HHAT: variants seen among roughly 807,000 people sequenced by gnomAD.
HHAT encodes hedgehog acyltransferase, also known as protein-cysteine N-palmitoyltransferase HHAT.
In HHAT, 47 loss-of-function variants were observed where a neutral mutation model predicts 70.8. The ratio of observed to expected loss-of-function variants is 0.66; its 90% CI spans 0.53 to 0.85. The LOEUF is 0.85. Ranked by LOEUF, HHAT falls within the 40% of genes least tolerant of loss-of-function variation. The pLI is 0.00. For synonymous variants in HHAT, 228 were observed against 247.6 expected (o/e 0.92, Z 0.74); for missense variants, 609 against 604.8 (o/e 1.01, Z -0.07).
At chr1:210,348,486 T>G (rs948448818) in intron 1 of HHAT, among the ~76,000 whole-genome samples, 2 of 152,156 alleles carry the variant, frequency 1.3e-5, no homozygotes, top group African/African-American at 4.8e-5. Context: ...TTCAGACTTT[T>G]TGAAGCCATT....
chr1:210,564,770 A>G (rs1367209782), intron 9 of HHAT, among the ~76,000 whole-genome samples: 2 of 150,910 alleles, frequency 1.3e-5, no homozygotes, highest in Admixed American at 6.6e-5. Flanking sequence ...GGCTGTGACA[A>G]TATGGAGGTC....
At chr1:210,397,684 G>C (rs2091867404) in intron 4 of HHAT, among the ~76,000 whole-genome samples, 1 of 152,120 alleles carries the variant, frequency 6.6e-6, no homozygotes, top group Non-Finnish European at 1.5e-5. Context: ...ATTTGGAGTA[G>C]AGATGGATGG....
In HHAT at chr1:210,534,765, G is replaced by C. The variant is rs1038888529; in HGVS notation, c.1043+21577G>C. ...TTTCTACTTGTGGCATCATCACAGA[G>C]CTCAAACGTTTCAAATTTTAGAGTT... On this transcript the variant is annotated intron_variant, in intron 9 of 11. Transcript: ENST00000261458. 3.3e-5 allele frequency among the ~76,000 whole-genome samples: 5 copies of C among 152,176 alleles called. No individual in the cohort carries two copies. In the East Asian group the frequency reaches 9.6e-4, roughly 29 times the overall value.
At chr1:210,386,545 G>A (rs1442995903) in intron 3 of HHAT, among the ~76,000 whole-genome samples, 1 of 152,086 alleles carries the variant, frequency 6.6e-6, no homozygotes, top group South Asian at 2.1e-4. Flanking sequence ...GCCTGCAGGA[G>A]TCCTTTTCCA....
intron 7 of HHAT, among the ~76,000 whole-genome samples, chr1:210,454,636 G>C (rs930817280): frequency 6.6e-6 from 1 of 152,186 alleles, no homozygotes; most frequent in Admixed American, 6.5e-5. Flanking sequence ...TGCTTCTGCT[G>C]TGTGGGATCT....
At chr1:210,615,786 G>A (rs773256064) in intron 10 of HHAT, among the ~76,000 whole-genome samples, 20 of 152,224 alleles carry the variant, frequency 1.3e-4, no homozygotes, top group Admixed American at 9.2e-4. Flanking sequence ...CTGCCTGATC[G>A]TTCCTCTGGA....
At chr1:210,531,950 C>T (rs146934768) in intron 9 of HHAT, among the ~76,000 whole-genome samples, 1 of 152,168 alleles carries the variant, frequency 6.6e-6, no homozygotes. Context: ...TGGGTACTTG[C>T]AAGCAACATG....
At chr1:210,342,814 T>TA (rs1358083752) in intron 1 of HHAT, among the ~76,000 whole-genome samples, 1 of 152,208 alleles carries the variant, frequency 6.6e-6, no homozygotes, top group Non-Finnish European at 1.5e-5. Context: ...CTGGACATTT[T>TA]AAAAAGGTTC....
At chr1:210,445,302 A>G (rs914684517) in intron 7 of HHAT, among the ~76,000 whole-genome samples, 12 of 152,296 alleles carry the variant, frequency 7.9e-5, no homozygotes, top group South Asian at 6.2e-4. Context: ...TGCAAGCCCT[A>G]TGTTCTTTAC....
At chr1:210,557,399 A>T (rs552591093) in intron 9 of HHAT, among the ~76,000 whole-genome samples, 1 of 152,158 alleles carries the variant, frequency 6.6e-6, no homozygotes, top group South Asian at 2.1e-4. Context: ...AAATTTTGGA[A>T]TCTTCCCCAG....
chr1:210,494,568 T>C (rs2094603275), intron 8 of HHAT, among the ~76,000 whole-genome samples: 2 of 116,378 alleles, frequency 1.7e-5, no homozygotes, highest in Admixed American at 1.7e-4. Context: ...TTTTTTTTTT[T>C]TGAGACAGAG....
intron 11 of HHAT, among the ~76,000 whole-genome samples, chr1:210,666,922 T>C (rs1679012936): frequency 6.6e-6 from 1 of 151,398 alleles, no homozygotes; most frequent in Non-Finnish European, 1.5e-5. Context: ...CTACTAAAAA[T>C]ACAAAAAATT....
chr1:210,553,706 T>C (rs571662829), intron 9 of HHAT, among the ~76,000 whole-genome samples: 2 of 152,278 alleles, frequency 1.3e-5, no homozygotes, highest in South Asian at 2.1e-4. Context: ...CCAAATCATT[T>C]ATCCGTGGAC....
chr1:210,358,603 C>T lies in HHAT; in HGVS notation c.92-4249C>T, dbSNP rs377325316. Among the ~76,000 whole-genome samples the T allele has an allele frequency of 1.9e-3, 284 of 152,314 alleles. 5 individuals carry two copies. The South Asian group carries it at 0.05, about 27-fold the overall frequency. ...ATTAGAAGCCCGTCTTTTCTGTGCC[C>T]CCTTCCCATTCTCAATGACTACCAC... On this transcript the variant is annotated intron_variant, in intron 2 of 11. Transcript: ENST00000261458.
intron 11 of HHAT, among the ~76,000 whole-genome samples, chr1:210,656,616 G>T (rs900155708): frequency 6.6e-6 from 1 of 152,202 alleles, no homozygotes; most frequent in Admixed American, 6.5e-5. Context: ...TCCGCTCACC[G>T]TCAGCAGAGA....
intron 9 of HHAT, among the ~76,000 whole-genome samples, chr1:210,523,847 A>G (rs2095201403): frequency 1.3e-5 from 2 of 152,250 alleles, no homozygotes; most frequent in South Asian, 2.1e-4. Context: ...GTACTATTCT[A>G]GGTGCCAGGA....
At chr1:210,470,235 G>T (rs2094180079) in intron 8 of HHAT, among the ~76,000 whole-genome samples, 1 of 152,270 alleles carries the variant, frequency 6.6e-6, no homozygotes, top group Middle Eastern at 3.4e-3. Context: ...AGAGGTGAGT[G>T]ACAAAAGGTG....
At chr1:210,373,277 C>T (rs200791109) in intron 3 of HHAT, among the ~76,000 whole-genome samples, 11 of 151,460 alleles carry the variant, frequency 7.3e-5, no homozygotes, top group African/African-American at 1.9e-4. Context: ...TGAATAGTGG[C>T]GGGATCTGAA....
chr1:210,613,449 C>T (rs954566392), intron 10 of HHAT, among the ~76,000 whole-genome samples: 3 of 151,994 alleles, frequency 2.0e-5, no homozygotes, highest in Non-Finnish European at 4.4e-5. Context: ...GGGTTTATTT[C>T]TGGTCTCTCT....
Sources: gnomAD v4.1 joint callset for allele counts (sites outside exome capture counted in the v4.1 genomes callset) on GRCh38, gnomAD v4.1.1 for gene constraint, MANE v1.5 for transcripts, NCBI Gene and HGNC (gene_info 2026-07-23, HGNC 2026-07-21) for gene names.